Variants in TRPM2 observed in about 807,000 individuals in gnomAD.
TRPM2 encodes estrogen-responsive element-associated gene 1 protein.
In TRPM2, 161 loss-of-function variants were observed where a neutral mutation model predicts 174.0. The ratio of observed to expected loss-of-function variants is 0.93; its 90% confidence interval spans 0.81 to 1.05. The LOEUF is 1.05. Among genes scored for constraint, TRPM2 ranks in the 50% least tolerant of loss-of-function variants. TRPM2 has a pLI of 0.00. For synonymous variants in TRPM2, 954 were observed against 861.3 expected (o/e 1.11, Z -1.88); for missense variants, 2,057 against 2,038.0 (o/e 1.01, Z -0.18).
chr21:44,380,329 G>A (rs1214704485), intron 8 of TRPM2, among the ~76,000 whole-genome samples: 1 of 152,202 alleles, frequency 6.6e-6, no homozygotes, highest in Non-Finnish European at 1.5e-5. Flanking sequence ...TGAAAACATC[G>A]TGGTCCGGCT....
Position 44,439,549 on chromosome 21 carries a change from C to T in TRPM2, c.4269+381C>T, listed in dbSNP as rs1467255594. 6.6e-6 allele frequency among the ~76,000 whole-genome samples: 1 copy of T among 152,114 alleles called. No individual in the cohort carries two copies. Among genetic ancestry groups the T allele is most frequent in the East Asian group, 1.9e-4 (1 of 5,178 alleles). ...GCCCAAGGGTGCTGGGAAGCCAGCC[C>T]CTCCCTCAGACCTCGCCCCGACTCC... On this transcript the variant is annotated intron_variant, in intron 30 of 31. Transcript: ENST00000397928. This position sits in a 1 kb window ranked among gnomAD's most constrained non-coding sequence, Gnocchi z 5.1.
chr21:44,399,035 G>T lies in TRPM2; in HGVS notation c.2063-261G>T, dbSNP rs1378006225. ...CAGCTTGGAGGTTAGAGGCAAGATG[G>T]AGTCCATTAGGTCAGTTCTCGGTCC... On this transcript the variant is annotated intron_variant, in intron 13 of 31. Transcript: ENST00000397928. This position sits in a 1 kb window ranked among gnomAD's most constrained non-coding sequence, Gnocchi z 4.6. Among the ~76,000 whole-genome samples, 1 of 152,162 alleles carries T rather than the reference G, an allele frequency of 6.6e-6. No individual in the cohort carries two copies. Among genetic ancestry groups the T allele is most frequent in the Non-Finnish European group, 1.5e-5 (1 of 68,032 alleles).
At chr21:44,353,524 G>A, upstream of TRPM2, 1 of 796,300 alleles carries the variant, frequency 1.3e-6, no homozygotes, top group Non-Finnish European at 1.8e-6. Context: ...AACCGGATGA[G>A]GGCTTCACAT....
intron 5 of TRPM2, among the ~76,000 whole-genome samples, chr21:44,370,490 G>C (rs761860403): frequency 6.6e-6 from 1 of 152,218 alleles, no homozygotes; most frequent in African/African-American, 2.4e-5. Context: ...ACTAACTTTG[G>C]TATGATGCGT....
chr21:44,418,235 G>T, intron 21 of TRPM2, 127 bp downstream of exon 21: 2 of 1,397,654 alleles, frequency 1.4e-6, no homozygotes, highest in Non-Finnish European at 1.9e-6. Context: ...CAGGCTGCTG[G>T]CCTTCTGCTG....
In TRPM2 at chr21:44,399,382, T is replaced by C; in HGVS notation, c.2149T>C (p.Cys717Arg). 2 of 1,612,814 alleles carry C rather than the reference T, an allele frequency of 1.2e-6. No homozygotes were observed. Among genetic ancestry groups the C allele is most frequent in the Middle Eastern group, 3.3e-4 (2 of 6,060 alleles). ...GTCCGAGGCCTGGGGGAAGACCACC[T>C]GCCTGCAGCTCGCCCTGGAGGCCAA... ...RVSEAWGKTT[C>R]LQLALEAKDM... The change falls in exon 14 of 32, where the codon TGC becomes CGC. Residue 717 changes from cysteine (C) to arginine (R), a missense_variant. Cys to Arg is a radical substitution (Grantham distance 180). Coordinates refer to ENST00000397928, the MANE Select transcript of TRPM2 (RefSeq NM_003307.4). The surrounding 1 kb of genome is among the most constrained non-coding windows in gnomAD (Gnocchi z 4.6).
chr21:44,365,773 C>G (rs1389341818), intron 3 of TRPM2, among the ~76,000 whole-genome samples: 3 of 152,198 alleles, frequency 2.0e-5, no homozygotes, highest in African/African-American at 7.2e-5. Flanking sequence ...GCCAGGGACA[C>G]AGACCCTGTA....
intron 7 of TRPM2, among the ~76,000 whole-genome samples, chr21:44,378,582 C>G (rs1042396854): frequency 2.0e-5 from 3 of 152,226 alleles, no homozygotes; most frequent in African/African-American, 7.2e-5. Context: ...TCCTGCCAGA[C>G]AGCTTTGTGT....
At chr21:44,440,621 C>T (rs551652512) in intron 30 of TRPM2, among the ~76,000 whole-genome samples, 168 bp from the exon 31 acceptor site, 168 of 152,358 alleles carry the variant, frequency 1.1e-3, no homozygotes, top group Non-Finnish European at 2.1e-3. Flanking sequence ...TGGGCTGCTC[C>T]GCCTTGCAGG....
rs754952113 is a variant in TRPM2, at chr21:44,406,681, G to C, written c.2878G>C (p.Glu960Gln). 5 of 1,610,242 alleles carry C rather than the reference G, an allele frequency of 3.1e-6. No homozygotes were observed. The highest frequency in any genetic ancestry group is 2.7e-5 in the African/African-American group (2 of 74,804). Residue 960 changes from glutamate (E) to glutamine (Q), a missense_variant, in exon 19 of 32, where the codon GAG becomes CAG. By Grantham distance (29) the Glu-to-Gln change is conservative. Coordinates refer to ENST00000397928, the MANE Select transcript of TRPM2 (RefSeq NM_003307.4). ...VAKQAILIHN[E>Q]RRVDWLFRGA... ...CAAGCAGGCCATCCTCATCCACAAC[G>C]AGCGCCGGGTGGACTGGCTGTTCCG...
intron 2 of TRPM2, among the ~76,000 whole-genome samples, chr21:44,359,629 C>T (rs775313060): frequency 2.7e-4 from 41 of 150,508 alleles, no homozygotes; most frequent in Non-Finnish European, 5.2e-4. Context: ...TTTGTCCCCG[C>T]CCATGTCCTG....
At chr21:44,407,374 C>A (rs2146305854) in intron 19 of TRPM2, among the ~76,000 whole-genome samples, 1 of 149,576 alleles carries the variant, frequency 6.7e-6, no homozygotes, top group East Asian at 2.0e-4. Context: ...TGATCCACCC[C>A]CTTGGCCTCC....
At chr21:44,403,666 TACAC>T (rs199559027) in intron 16 of TRPM2, among the ~76,000 whole-genome samples, 1 of 149,152 alleles carries the variant, frequency 6.7e-6, no homozygotes, top group Admixed American at 6.6e-5. Context: ...CACACATGCA[TACAC>T]ACATGCATAC....
rs141772734 is a variant in TRPM2, at chr21:44,413,906, C to T, written c.2978C>T (p.Pro993Leu). ...PGYIDGVNFN[P>L]EHCSPNGTDP... The stretch of plus-strand genomic sequence containing the variant: ...CCAACGCCAGGTGTGAACTTCAACC[C>T]GGAGCACTGCAGCCCCAATGGCACC... The change falls in exon 20 of 32, where the codon CCG becomes CTG. Residue 993 changes from proline (P) to leucine (L), a missense_variant. By Grantham distance (98) the Pro-to-Leu change is moderately conservative. Transcript: ENST00000397928. 103 of 1,612,644 alleles carry T rather than the reference C, an allele frequency of 6.4e-5. No individual in the cohort carries two copies. Among genetic ancestry groups the T allele is most frequent in the South Asian group, 3.5e-4 (32 of 91,026 alleles).
intron 22 of TRPM2, among the ~76,000 whole-genome samples, chr21:44,421,325 A>G (rs1391569330): frequency 6.6e-6 from 1 of 152,058 alleles, no homozygotes; most frequent in South Asian, 2.1e-4. Flanking sequence ...CTAAAAAAAA[A>G]AAAAATTTAG....
At chr21:44,408,511 G>T (rs986167393) in intron 19 of TRPM2, among the ~76,000 whole-genome samples, 2 of 151,710 alleles carry the variant, frequency 1.3e-5, no homozygotes, top group African/African-American at 4.8e-5. Context: ...AACAAAGCTC[G>T]CATCCCGGTG....
rs2047992848 is a variant in TRPM2, at chr21:44,354,165, T to G, written c.165+300T>G. Among the ~76,000 whole-genome samples, 1 of 152,218 alleles carries G rather than the reference T, an allele frequency of 6.6e-6. No homozygotes were observed. The highest frequency in any genetic ancestry group is 2.4e-5 in the African/African-American group (1 of 41,450). ...CGTGCTTACCTTGTTGCATAATGAT[T>G]TCACATCCTTTATCCGATTGGGAGG... On this transcript the variant is annotated intron_variant, in intron 1 of 31. Coordinates refer to ENST00000397928, the MANE Select transcript of TRPM2 (RefSeq NM_003307.4). The surrounding 1 kb of genome is among the most constrained non-coding windows in gnomAD (Gnocchi z 4.3).
chr21:44,384,424 G>A (rs1260485906), intron 9 of TRPM2, among the ~76,000 whole-genome samples: 3 of 152,202 alleles, frequency 2.0e-5, no homozygotes, highest in African/African-American at 7.2e-5. Flanking sequence ...CAGAATGGCA[G>A]CACATACATG....
intron 19 of TRPM2, among the ~76,000 whole-genome samples, chr21:44,410,901 G>C (rs1430802113): frequency 7.1e-6 from 1 of 141,524 alleles, no homozygotes; most frequent in African/African-American, 2.6e-5. Flanking sequence ...TGACTGCACT[G>C]TCTTGGTTGG....
Sources: gnomAD v4.1 joint callset for allele counts (sites outside exome capture counted in the v4.1 genomes callset) on GRCh38, gnomAD v4.1.1 for gene constraint, Gnocchi (gnomAD v3.1) non-coding constraint, MANE v1.5 for transcripts, NCBI Gene and HGNC (gene_info 2026-07-23, HGNC 2026-07-21) for gene names.